The following NALCN variants were observed in gnomAD, a reference collection of about 807,000 sequenced individuals.
NALCN encodes sodium leak channel, non-selective, also known as sodium leak channel NALCN.
NALCN carries 111 observed loss-of-function variants against 225.3 expected under a neutral mutation model. The ratio of observed to expected loss-of-function variants is 0.49; its 90% confidence interval spans 0.42 to 0.58. NALCN has a LOEUF of 0.58. Among genes scored for constraint, NALCN ranks in the 20% least tolerant of loss-of-function variants. The pLI is 0.00. For synonymous variants in NALCN, 764 were observed against 769.0 expected, an observed-to-expected ratio of 0.99 and a Z score of 0.11; for missense variants, 1,378 against 2,202.4, an observed-to-expected ratio of 0.63 and a Z score of 7.49.
intron 39 of NALCN, 31 bp downstream of exon 39, chr13:101,067,887 T>C (rs2032550964): frequency 7.1e-7 from 1 of 1,406,662 alleles, no homozygotes; most frequent in African/African-American, 1.4e-5. Flanking sequence ...CTCTTTGAGG[T>C]GAGGCATGAA....
chr13:101,056,451 AG>A (rs1679884556), intron 43 of NALCN, among the ~76,000 whole-genome samples: 1 of 151,776 alleles, frequency 6.6e-6, no homozygotes, highest in African/African-American at 2.4e-5. Context: ...TAGTAGAGAC[AG>A]GGTTTCACCA....
chr13:101,310,074 C>G (rs906163715), intron 7 of NALCN, among the ~76,000 whole-genome samples: 1 of 152,136 alleles, frequency 6.6e-6, no homozygotes, highest in Non-Finnish European at 1.5e-5. Flanking sequence ...CTTCTGTGAC[C>G]TCCACTGCTA....
chr13:101,237,805 T>C lies in NALCN; in HGVS notation c.1384A>G (p.Thr462Ala), dbSNP rs1432984455. 2 of 1,607,300 alleles carry C rather than the reference T, an allele frequency of 1.2e-6. No homozygotes were observed. The highest frequency in any genetic ancestry group is 1.7e-6 in the Non-Finnish European group (2 of 1,177,144). ...TAAAGATCTGGGTATACATGAAGAG[T>C]AGTTCCAATTACGAGTAGTAGTTCG... The part of the protein sequence containing the change: ...KFELLLVIGT[T>A]LHVYPDLYHS... Residue 462 changes from threonine (T) to alanine (A), a missense_variant, in exon 12 of 44, where the codon ACT becomes GCT. Physicochemically the swap from Thr to Ala is moderately conservative, Grantham distance 58. Around this residue, in one of 19 missense-constraint regions of NALCN, gnomAD observed 144 missense variants for 187.7 expected, o/e 0.77. Coordinates refer to ENST00000251127, the MANE Select transcript of NALCN (RefSeq NM_052867.4).
chr13:101,142,707 C>G, intron 17 of NALCN: 1 of 218,904 alleles, frequency 4.6e-6, no homozygotes, highest in Non-Finnish European at 9.3e-6. Flanking sequence ...CTCTCGTATC[C>G]TCTCTGATGT....
At chr13:101,344,577 A>AT (rs141905086) in intron 7 of NALCN, among the ~76,000 whole-genome samples, 1 of 152,140 alleles carries the variant, frequency 6.6e-6, no homozygotes, top group African/African-American at 2.4e-5. Context: ...GGAATTATAC[A>AT]TTTTTTGCTT....
chr13:101,122,816 T>C (rs2036042898), intron 18 of NALCN, among the ~76,000 whole-genome samples: 1 of 152,174 alleles, frequency 6.6e-6, no homozygotes, highest in South Asian at 2.1e-4. Flanking sequence ...GTGACAATCA[T>C]GTTATTTCTA....
In NALCN at chr13:101,059,862, C is replaced by T. The variant is rs1224476544; in HGVS notation, c.4861G>A (p.Glu1621Lys). Residue 1621 changes from glutamate to lysine, a missense_variant, in exon 42 of 44, where the codon GAG (glutamate) becomes AAG (lysine). Physicochemically the swap from Glu to Lys is moderately conservative, Grantham distance 56. Coordinates refer to ENST00000251127, the MANE Select transcript of NALCN (RefSeq NM_052867.4). The stretch of plus-strand genomic sequence containing the variant: ...TCCTGACTGTTGGCATTCGTGTCCT[C>T]ACTGGGCTGGGTGGTCTCGATGCTG... Reference protein sequence around the residue: ...PPSIETTQPSEDTNANSQDNS... With the variant: ...PPSIETTQPSKDTNANSQDNS... 6.2e-7 allele frequency: 1 copy of T among 1,614,068 alleles called. No individual in the cohort carries two copies. The highest frequency in any genetic ancestry group is 1.7e-5 in the Admixed American group (1 of 60,008).
chr13:101,192,012 C>T lies in NALCN; in HGVS notation c.1669G>A (p.Val557Met). 1 of 1,597,640 alleles carries T rather than the reference C, an allele frequency of 6.3e-7. No homozygotes were observed. Among genetic ancestry groups the T allele is most frequent in the South Asian group, 1.1e-5 (1 of 88,104 alleles). Reference protein sequence around the residue: ...MFQILTQEGWVDVMDQTLNAV... With the variant: ...MFQILTQEGWMDVMDQTLNAV... ...TTTAGAGTTTGGTCCATTACGTCCA[C>T]CCATCCTTCCTGGGTGAGGATCTGG... Residue 557 changes from valine to methionine, a missense_variant, in exon 14 of 44, where the codon GTG (valine) becomes ATG (methionine). Transcript: ENST00000251127.
intron 13 of NALCN, among the ~76,000 whole-genome samples, chr13:101,226,086 C>T (rs963838658): frequency 6.6e-6 from 1 of 152,060 alleles, no homozygotes; most frequent in African/African-American, 2.4e-5. Context: ...AGGAGATCGT[C>T]GTCTTGGAGA....
chr13:101,252,659 T>C (rs1435054959), intron 11 of NALCN, among the ~76,000 whole-genome samples: 1 of 152,152 alleles, frequency 6.6e-6, no homozygotes, highest in East Asian at 1.9e-4. Context: ...CTAGGACTTC[T>C]TTCTCCCCTC....
chr13:101,289,467 CAGTTCCTAGTG>C (rs1239629610), intron 9 of NALCN, among the ~76,000 whole-genome samples: 1 of 151,540 alleles, frequency 6.6e-6, no homozygotes, highest in Non-Finnish European at 1.5e-5. Flanking sequence ...CTGTCAGAGC[CAGTTCCTAGTG>C]AGCTGCCTAA....
intron 1 of NALCN, among the ~76,000 whole-genome samples, chr13:101,412,980 T>C (rs1185058506): frequency 6.6e-6 from 1 of 152,218 alleles, no homozygotes; most frequent in South Asian, 2.1e-4. Context: ...TTTTAGCATC[T>C]GGTTTTCAGG....
chr13:101,144,351 T>C (rs2139793503), intron 16 of NALCN, among the ~76,000 whole-genome samples: 1 of 152,312 alleles, frequency 6.6e-6, no homozygotes, highest in East Asian at 1.9e-4. Context: ...CAGCTGTGGT[T>C]TCCCTGTTTG....
chr13:101,342,958 G>A (rs924076290), intron 7 of NALCN, among the ~76,000 whole-genome samples: 1 of 152,084 alleles, frequency 6.6e-6, no homozygotes, highest in Non-Finnish European at 1.5e-5. Flanking sequence ...ATGGTAATTT[G>A]ATTAGTAAGA....
chr13:101,121,922 T>A (rs921795848), intron 18 of NALCN, among the ~76,000 whole-genome samples: 1 of 151,286 alleles, frequency 6.6e-6, no homozygotes, highest in African/African-American at 2.4e-5. Flanking sequence ...GTTATTCGAA[T>A]CAATTGTCCT....
intron 13 of NALCN, among the ~76,000 whole-genome samples, chr13:101,200,645 C>T (rs553286486): frequency 2.0e-5 from 3 of 152,252 alleles, no homozygotes; most frequent in African/African-American, 7.2e-5. Context: ...CACAGGGCCA[C>T]TGAGGACCCA....
At chr13:101,157,681 C>T (rs932987479) in intron 15 of NALCN, among the ~76,000 whole-genome samples, 2 of 152,096 alleles carry the variant, frequency 1.3e-5, no homozygotes, top group Non-Finnish European at 2.9e-5. Context: ...CTGATTCAAA[C>T]CTCCCTTCTT....
At chr13:101,142,654 T>C (rs560399226) in intron 17 of NALCN, 13 of 182,286 alleles carry the variant, frequency 7.1e-5, no homozygotes, top group Non-Finnish European at 1.5e-4. Context: ...ATACTAAGCA[T>C]TGAATAAATG....
intron 15 of NALCN, among the ~76,000 whole-genome samples, chr13:101,157,754 T>G (rs1051478122): frequency 4.6e-5 from 7 of 151,122 alleles, no homozygotes; most frequent in African/African-American, 1.7e-4. Context: ...CATGGTCTTT[T>G]TTTTTTTTTT....
Sources: gnomAD v4.1 joint callset for allele counts (sites outside exome capture counted in the v4.1 genomes callset) on GRCh38, gnomAD v4.1.1 for gene constraint, gnomAD v4.1.1 regional missense constraint, MANE v1.5 for transcripts, NCBI Gene and HGNC (gene_info 2026-07-23, HGNC 2026-07-21) for gene names.